The following PRKCA variants were observed in gnomAD, a reference collection of about 807,000 sequenced individuals.
PRKCA encodes protein kinase C alpha type.
A neutral mutation model predicts 87.0 loss-of-function variants in PRKCA; 27 were observed. The observed-to-expected ratio is 0.31, with a 90% CI of 0.23 to 0.43. PRKCA has a LOEUF of 0.43. Ranked by LOEUF, PRKCA falls within the 20% of genes least tolerant of loss-of-function variation. The probability of loss-of-function intolerance (pLI) is 1.00; values close to 1 mark genes in which losing one functional copy is unlikely to be tolerated. For missense variants in PRKCA, 518 were observed against 852.3 expected, an observed-to-expected ratio of 0.61 and a Z score of 4.88; for synonymous variants, 329 against 311.1, an observed-to-expected ratio of 1.06 and a Z score of -0.61.
chr17:66,515,701 AC>A (rs544127975), intron 3 of PRKCA, among the ~76,000 whole-genome samples: 250 of 152,066 alleles, frequency 1.6e-3, no homozygotes, highest in Non-Finnish European at 3.0e-3. Context: ...GCATCACCAT[AC>A]CCAGCTAATT....
Position 66,323,737 on chromosome 17 carries a change from C to T in PRKCA, c.205+17610C>T, listed in dbSNP as rs180921454. Among the ~76,000 whole-genome samples, 7 of 152,148 alleles carry T rather than the reference C, an allele frequency of 4.6e-5. No individual in the cohort carries two copies. The East Asian group carries it at 1.2e-3, about 25-fold the overall frequency. On this transcript the variant is annotated intron_variant, in intron 2 of 16. Transcript: ENST00000413366. Reference sequence around the variant, plus strand: ...GGTGGATCACCTGAGGCCAGGAGTTCGAGACCAGCCTGGCCAACATGGTGA... The same window carrying T: ...GGTGGATCACCTGAGGCCAGGAGTTTGAGACCAGCCTGGCCAACATGGTGA...
At chr17:66,417,589 GCTCCT>G (rs1912229687) in intron 2 of PRKCA, among the ~76,000 whole-genome samples, 1 of 152,076 alleles carries the variant, frequency 6.6e-6, no homozygotes, top group African/African-American at 2.4e-5. Context: ...CCTGCAGAGA[GCTCCT>G]GCTGTCTCTT....
rs149317063 is a variant in PRKCA at position 66,711,646 on chromosome 17, G to A, written c.919-21042G>A. Among the ~76,000 whole-genome samples, 21 of 152,222 alleles carry A rather than the reference G, an allele frequency of 1.4e-4. 1 individual carries two copies. The highest frequency in any genetic ancestry group is 5.8e-4 in the East Asian group (3 of 5,168). ...TAATTAAAATCAGCCCAAGATTGTC[G>A]CAGTGCTTTTATGTTCGCATTAGAT... On this transcript the variant is annotated intron_variant, in intron 8 of 16. Coordinates refer to ENST00000413366, the MANE Select transcript of PRKCA (RefSeq NM_002737.3).
At chr17:66,784,842 G>A (rs78610846) in intron 14 of PRKCA, among the ~76,000 whole-genome samples, 10,528 of 152,094 alleles carry the variant, frequency 0.069, 479 homozygotes, top group East Asian at 0.22. Context: ...GGTGGCCGTC[G>A]GCAGCCTGCA....
intron 2 of PRKCA, among the ~76,000 whole-genome samples, chr17:66,328,440 C>A (rs1906122543): frequency 6.6e-6 from 1 of 151,836 alleles, no homozygotes; most frequent in African/African-American, 2.4e-5. Context: ...AAAGGAAAAC[C>A]CTTCTAGGTA....
At chr17:66,772,172 A>G (rs1974947786) in intron 13 of PRKCA, among the ~76,000 whole-genome samples, 1 of 152,202 alleles carries the variant, frequency 6.6e-6, no homozygotes, top group African/African-American at 2.4e-5. Flanking sequence ...ATCCCCGGGT[A>G]ATAGACTGGA....
chr17:66,341,717 G>A (rs1046286968), intron 2 of PRKCA, among the ~76,000 whole-genome samples: 86 of 152,316 alleles, frequency 5.6e-4, no homozygotes, highest in Middle Eastern at 3.4e-3. Flanking sequence ...AGCACAGTGC[G>A]ATAGCAGCTT....
chr17:66,508,392 C>T (rs1176041217), intron 3 of PRKCA, among the ~76,000 whole-genome samples: 1 of 152,204 alleles, frequency 6.6e-6, no homozygotes, highest in African/African-American at 2.4e-5. Flanking sequence ...TGGGCGTTGC[C>T]GTGGTTCTGA....
rs115243298 is a variant in PRKCA at position 66,574,140 on chromosome 17, T to G, written c.289-67215T>G. 1.0e-3 allele frequency among the ~76,000 whole-genome samples: 156 copies of G among 152,340 alleles called. 2 individuals are homozygous for G. The highest frequency in any genetic ancestry group is 3.5e-3 in the African/African-American group (144 of 41,580). ...TACGTTGATATGGTATATTTGGAAA[T>G]GAATTTGGTGATATGTATCAATAAG... On this transcript the variant is annotated intron_variant, in intron 3 of 16. Coordinates refer to ENST00000413366, the MANE Select transcript of PRKCA (RefSeq NM_002737.3).
At chr17:66,390,708 C>T (rs1319060098) in intron 2 of PRKCA, among the ~76,000 whole-genome samples, 1 of 152,192 alleles carries the variant, frequency 6.6e-6, no homozygotes, top group African/African-American at 2.4e-5. Flanking sequence ...ACAAAAGGAG[C>T]TTCATGGGGA....
intron 2 of PRKCA, among the ~76,000 whole-genome samples, chr17:66,319,481 T>C (rs1905521759): frequency 6.6e-6 from 1 of 152,154 alleles, no homozygotes; most frequent in East Asian, 1.9e-4. Flanking sequence ...ATTTCCAGTG[T>C]GTTCCTTTTT....
At chr17:66,376,907 G>T (rs529533664) in intron 2 of PRKCA, among the ~76,000 whole-genome samples, 1 of 152,190 alleles carries the variant, frequency 6.6e-6, no homozygotes, top group Non-Finnish European at 1.5e-5. Context: ...CTGGTTTCAA[G>T]TGGTGGAGAA....
chr17:66,303,616 C>CAG lies in PRKCA; in HGVS notation c.173+605_173+606dup, dbSNP rs900724709. ...GGAGAGACTGACTTTTCTGAGTGAG[C>CAG]AGAGAGAGAGAGAGCAAACTGTTGA... On this transcript the variant is annotated intron_variant, in intron 1 of 16. Transcript: ENST00000413366. Among the ~76,000 whole-genome samples, 161 of 150,722 alleles carry CAG rather than the reference C, an allele frequency of 1.1e-3. 1 individual carries two copies. Among genetic ancestry groups the CAG allele is most frequent in the African/African-American group, 2.4e-3 (100 of 41,164 alleles).
At chr17:66,398,784 T>C (rs1285789765) in intron 2 of PRKCA, among the ~76,000 whole-genome samples, 1 of 152,200 alleles carries the variant, frequency 6.6e-6, no homozygotes, top group Non-Finnish European at 1.5e-5. Context: ...AGTAAAATTA[T>C]AGCATAATTT....
intron 8 of PRKCA, among the ~76,000 whole-genome samples, chr17:66,702,289 A>G (rs1409543838): frequency 6.6e-6 from 1 of 152,172 alleles, no homozygotes; most frequent in Non-Finnish European, 1.5e-5. Context: ...CCTGGAGGAC[A>G]TTATCATATT....
intron 3 of PRKCA, among the ~76,000 whole-genome samples, chr17:66,609,658 G>A (rs891485448): frequency 2.6e-5 from 4 of 151,994 alleles, no homozygotes; most frequent in South Asian, 2.1e-4. Context: ...GAGAGTCAAC[G>A]TGAGGAGGAA....
intron 3 of PRKCA, among the ~76,000 whole-genome samples, chr17:66,548,048 TGTA>T: frequency 6.6e-6 from 1 of 152,372 alleles, no homozygotes; most frequent in East Asian, 1.9e-4. Context: ...TTTAAAGGGT[TGTA>T]GTGTTTTCTG....
intron 8 of PRKCA, among the ~76,000 whole-genome samples, chr17:66,698,976 T>C (rs1464677382): frequency 1.3e-5 from 2 of 150,060 alleles, no homozygotes; most frequent in South Asian, 4.4e-4. Flanking sequence ...CGAGACTGTC[T>C]TAAAAAAAAG....
chr17:66,633,553 C>G (rs1329612140), intron 3 of PRKCA, among the ~76,000 whole-genome samples: 1 of 152,152 alleles, frequency 6.6e-6, no homozygotes, highest in African/African-American at 2.4e-5. Flanking sequence ...GCTCTGACTG[C>G]TGGAGGAAGT....
Sources: allele counts gnomAD v4.1 joint callset (sites outside exome capture counted in the v4.1 genomes callset), GRCh38; gene constraint gnomAD v4.1.1; transcripts MANE v1.5; gene names NCBI Gene and HGNC (gene_info 2026-07-23, HGNC 2026-07-21).